XKR4: variants seen among roughly 807,000 people sequenced by gnomAD.
The protein encoded by XKR4 is XK-related protein 4.
Under a neutral mutation model 53.9 loss-of-function variants are expected in XKR4, and 12 were observed. That is an observed-to-expected ratio of 0.22 (90% CI 0.14 to 0.36). The LOEUF (loss-of-function observed/expected upper bound fraction) is 0.36. XKR4 is among the 10% of genes least tolerant of loss of function. XKR4 has a pLI of 1.00. For synonymous variants in XKR4, 354 were observed against 362.4 expected (o/e 0.98, Z 0.26); for missense variants, 799 against 859.5 (o/e 0.93, Z 0.88).
At position 55,529,220 on chromosome 8, in the gene XKR4, G is replaced by A. The variant is rs1806916588; in HGVS notation, c.*4993G>A. 1 of 151,818 alleles carries A rather than the reference G, an allele frequency of 6.6e-6. No individual in the cohort carries two copies. Among genetic ancestry groups the A allele is most frequent in the Non-Finnish European group, 1.5e-5 (1 of 67,992 alleles). The allele number at this position is 151,818 out of a possible 1,614,324, so 9.4% of individuals were successfully genotyped here. A position where few individuals can be genotyped will look rare whatever the true frequency, so the allele number is the denominator to read the frequency against. Reference sequence around the variant, plus strand: ...CAGCAGAGAGCCACATGGAAGAAGTGCCAAATAGCCATTTGCATTTATATA... The same window carrying A: ...CAGCAGAGAGCCACATGGAAGAAGTACCAAATAGCCATTTGCATTTATATA... On this transcript the variant is annotated 3_prime_UTR_variant, in exon 3 of 3. Transcript: ENST00000327381.
At chr8:55,206,209 T>C (rs557560487) in intron 1 of XKR4, among the ~76,000 whole-genome samples, 5 of 152,184 alleles carry the variant, frequency 3.3e-5, no homozygotes, top group African/African-American at 9.6e-5. Context: ...CCGGAGCGGG[T>C]TGCCACTGGG....
At chr8:55,343,045 T>A (rs1387898844) in intron 1 of XKR4, among the ~76,000 whole-genome samples, 2 of 152,196 alleles carry the variant, frequency 1.3e-5, no homozygotes, top group African/African-American at 4.8e-5. Flanking sequence ...GTAGGCACAA[T>A]GCCTAGGTAA....
intron 2 of XKR4, chr8:55,454,201 G>A: frequency 9.6e-7 from 1 of 1,041,928 alleles, no homozygotes; most frequent in South Asian, 1.3e-5. Context: ...GCTCTAGCAA[G>A]GGTGGAATGT....
chr8:55,359,457 G>T (rs1342165252), intron 2 of XKR4, among the ~76,000 whole-genome samples: 1 of 152,186 alleles, frequency 6.6e-6, no homozygotes, highest in Admixed American at 6.5e-5. Flanking sequence ...TTTAGGAAAT[G>T]ATCTGTAAAC....
intron 2 of XKR4, among the ~76,000 whole-genome samples, chr8:55,496,996 A>T (rs542874056): frequency 9.8e-5 from 15 of 152,314 alleles, no homozygotes; most frequent in Admixed American, 9.8e-4. Flanking sequence ...GATCCTGCCC[A>T]GGAGCTCCCT....
At position 55,315,403 on chromosome 8, in the gene XKR4, A is replaced by C. The variant is rs141855429; in HGVS notation, c.807-42275A>C. 1.5e-3 allele frequency among the ~76,000 whole-genome samples: 226 copies of C among 152,290 alleles called. 2 individuals carry two copies. Among genetic ancestry groups the C allele is most frequent in the Admixed American group, 5.8e-3 (88 of 15,304 alleles). On this transcript the variant is annotated intron_variant, in intron 1 of 2. Transcript: ENST00000327381. ...CTTATTAATATTGCAAAATAAGTAA[A>C]TAAGATGTGTGGCAGCGCCTAACCT...
chr8:55,279,965 A>G (rs984936820), intron 1 of XKR4, among the ~76,000 whole-genome samples: 1 of 152,214 alleles, frequency 6.6e-6, no homozygotes, highest in Non-Finnish European at 1.5e-5. Flanking sequence ...AAAGCTTTCT[A>G]CATTGTTCTC....
intron 1 of XKR4, among the ~76,000 whole-genome samples, chr8:55,287,404 A>G (rs942148292): frequency 2.0e-5 from 3 of 152,238 alleles, no homozygotes; most frequent in Admixed American, 2.0e-4. Flanking sequence ...ACATGTGTCT[A>G]TTAACACTAT....
At chr8:55,340,559 C>G (rs1033394527) in intron 1 of XKR4, among the ~76,000 whole-genome samples, 22 of 152,350 alleles carry the variant, frequency 1.4e-4, no homozygotes, top group African/African-American at 4.8e-4. Flanking sequence ...ATGTCACTAA[C>G]TGACACCAGT....
intron 1 of XKR4, among the ~76,000 whole-genome samples, chr8:55,262,484 G>C (rs1463488651): frequency 1.3e-5 from 2 of 152,216 alleles, no homozygotes; most frequent in Non-Finnish European, 2.9e-5. Flanking sequence ...TTAGTTAAGG[G>C]CAGGAAGGTA....
intron 1 of XKR4, among the ~76,000 whole-genome samples, chr8:55,112,357 G>A (rs1816243979): frequency 2.0e-5 from 3 of 151,992 alleles, no homozygotes; most frequent in Admixed American, 1.3e-4. Context: ...AGGATCTATA[G>A]GGAACACCAC....
At chr8:55,245,691 G>A (rs1818275541) in intron 1 of XKR4, among the ~76,000 whole-genome samples, 1 of 152,168 alleles carries the variant, frequency 6.6e-6, no homozygotes, top group Non-Finnish European at 1.5e-5. Context: ...GTGAGGAACT[G>A]AGGACCCCTG....
In XKR4 at chr8:55,118,567, C is replaced by T. The variant is rs551969018; in HGVS notation, c.806+15273C>T. On this transcript the variant is annotated intron_variant, in intron 1 of 2. Coordinates refer to ENST00000327381, the MANE Select transcript of XKR4 (RefSeq NM_052898.2). ...CAAGTGCTAGAAGATTCATCACTCT[C>T]AAATGCATGCAATTCAAAATTTTCA... is the stretch of plus-strand genomic sequence containing the variant. 4.0e-4 allele frequency among the ~76,000 whole-genome samples: 61 copies of T among 152,302 alleles called. 1 individual carries two copies. The highest frequency in any genetic ancestry group is 1.2e-3 in the South Asian group (6 of 4,828).
intron 2 of XKR4, among the ~76,000 whole-genome samples, chr8:55,371,934 C>T (rs545779854): frequency 1.1e-4 from 17 of 152,330 alleles, no homozygotes; most frequent in Non-Finnish European, 2.1e-4. Context: ...TTAGGTTCTA[C>T]TTAATTATCT....
intron 1 of XKR4, among the ~76,000 whole-genome samples, chr8:55,111,238 A>T (rs1488487021): frequency 6.6e-6 from 1 of 152,054 alleles, no homozygotes; most frequent in African/African-American, 2.4e-5. Flanking sequence ...CATAGACTAG[A>T]TCTTCTTTTG....
chr8:55,276,811 C>A (rs1054201471), intron 1 of XKR4, among the ~76,000 whole-genome samples: 1 of 152,056 alleles, frequency 6.6e-6, no homozygotes, highest in Non-Finnish European at 1.5e-5. Flanking sequence ...AAAAAAAGGG[C>A]AATTTCATTT....
chr8:55,183,044 A>G (rs4737916), intron 1 of XKR4, among the ~76,000 whole-genome samples: 126,399 of 151,914 alleles, frequency 0.83, 52,640 homozygotes, highest in Middle Eastern at 0.9. Context: ...TGAGGAGAGA[A>G]TTGTTCCTAG....
intron 2 of XKR4, among the ~76,000 whole-genome samples, chr8:55,408,833 C>T (rs915695967): frequency 4.6e-5 from 7 of 152,014 alleles, no homozygotes; most frequent in African/African-American, 1.4e-4. Context: ...ATGGTGAAAC[C>T]CTGTCCCTAC....
At chr8:55,255,998 C>T (rs138221312) in intron 1 of XKR4, among the ~76,000 whole-genome samples, 2 of 150,784 alleles carry the variant, frequency 1.3e-5, no homozygotes, top group African/African-American at 4.9e-5. Flanking sequence ...TCTAGGATGC[C>T]GGGGTGCGTC....
Sources: gnomAD v4.1 joint callset for allele counts (sites outside exome capture counted in the v4.1 genomes callset) on GRCh38, gnomAD v4.1.1 for gene constraint, MANE v1.5 for transcripts, NCBI Gene and HGNC (gene_info 2026-07-23, HGNC 2026-07-21) for gene names.